NRXN3: variants seen among roughly 807,000 people sequenced by gnomAD.
NRXN3 encodes neurexin 3, also known as neurexin III.
Under a neutral mutation model 137.6 loss-of-function variants are expected in NRXN3, and 32 were observed. The observed-to-expected ratio is 0.23, with a 90% CI of 0.18 to 0.31. The LOEUF (loss-of-function observed/expected upper bound fraction) is 0.31, where lower values mean the gene tolerates loss of function less well. Among genes scored for constraint, NRXN3 ranks in the 10% least tolerant of loss-of-function variants. The pLI is 1.00. For synonymous variants in NRXN3, 798 were observed against 784.5 expected, an observed-to-expected ratio of 1.02 and a Z score of -0.29; for missense variants, 1,574 against 2,062.5, an observed-to-expected ratio of 0.76 and a Z score of 4.59.
intron 4 of NRXN3, among the ~76,000 whole-genome samples, chr14:78,465,828 C>T (rs1253150353): frequency 6.7e-6 from 1 of 148,846 alleles, no homozygotes; most frequent in East Asian, 2.0e-4. Flanking sequence ...CCACCGCGCC[C>T]GGCCTAAGGT....
At chr14:79,007,194 G>C (rs944719879) in intron 15 of NRXN3, among the ~76,000 whole-genome samples, 8 of 152,092 alleles carry the variant, frequency 5.3e-5, no homozygotes, top group African/African-American at 7.2e-5. Flanking sequence ...CAAATATTTT[G>C]GTGGTTTTGT....
At chr14:78,643,641 GCACAAGGGGAAC>G (rs1275722546) in intron 4 of NRXN3, among the ~76,000 whole-genome samples, 2 of 152,160 alleles carry the variant, frequency 1.3e-5, no homozygotes, top group African/African-American at 4.8e-5. Context: ...GGAAATAGCA[GCACAAGGGGAAC>G]CAGCCAACCC....
At chr14:78,360,926 C>G (rs1230045737) in intron 4 of NRXN3, among the ~76,000 whole-genome samples, 1 of 152,136 alleles carries the variant, frequency 6.6e-6, no homozygotes, top group Non-Finnish European at 1.5e-5. Flanking sequence ...CTCAGGTACC[C>G]CAATCCACTG....
chr14:79,839,696 T>C (rs1297518567), intron 20 of NRXN3, among the ~76,000 whole-genome samples: 1 of 152,216 alleles, frequency 6.6e-6, no homozygotes, highest in Non-Finnish European at 1.5e-5. Context: ...CTTTAAGGTC[T>C]TATCCCCCCA....
intron 10 of NRXN3, among the ~76,000 whole-genome samples, chr14:78,819,103 G>A (rs1365031819): frequency 6.6e-6 from 1 of 152,092 alleles, no homozygotes; most frequent in African/African-American, 2.4e-5. Context: ...AGCCTCGCAA[G>A]CTGTGTTTCT....
chr14:79,414,677 A>G (rs995935399), intron 15 of NRXN3, among the ~76,000 whole-genome samples: 1 of 152,044 alleles, frequency 6.6e-6, no homozygotes, highest in Non-Finnish European at 1.5e-5. Flanking sequence ...TAACATATCC[A>G]TCACCTCACA....
intron 16 of NRXN3, among the ~76,000 whole-genome samples, chr14:79,633,904 G>A (rs983366626): frequency 6.6e-6 from 1 of 152,002 alleles, no homozygotes; most frequent in African/African-American, 2.4e-5. Context: ...ATTCACATGG[G>A]CCCCCACGAA....
intron 4 of NRXN3, among the ~76,000 whole-genome samples, chr14:78,419,759 G>A (rs1164304491): frequency 6.6e-6 from 1 of 152,138 alleles, no homozygotes; most frequent in Non-Finnish European, 1.5e-5. Context: ...TAGAGACTGG[G>A]TGAAGGGGAG....
At chr14:78,987,882 A>C in intron 14 of NRXN3, 140 bp from the exon 15 acceptor site, 1 of 851,002 alleles carries the variant, frequency 1.2e-6, no homozygotes, top group Middle Eastern at 3.1e-4. Context: ...CATGAGATTG[A>C]GTTGACAATT....
chr14:78,314,991 C>CTCTTTCTT (rs10551573), intron 4 of NRXN3, among the ~76,000 whole-genome samples: 2 of 68,230 alleles, frequency 2.9e-5, no homozygotes, highest in African/African-American at 1.3e-4. Context: ...TCCTTCCTTT[C>CTCTTTCTT]TCTTTCTTTC....
chr14:79,717,942 C>A (rs1004116988), intron 19 of NRXN3, among the ~76,000 whole-genome samples: 1 of 152,078 alleles, frequency 6.6e-6, no homozygotes, highest in African/African-American at 2.4e-5. Flanking sequence ...TGCTATGGAC[C>A]CATCACCCTT....
chr14:79,330,699 G>A (rs2091550198), intron 15 of NRXN3, among the ~76,000 whole-genome samples: 1 of 152,170 alleles, frequency 6.6e-6, no homozygotes, highest in South Asian at 2.1e-4. Flanking sequence ...AATGGAGAAA[G>A]CATAGAGAAG....
At chr14:79,614,435 T>C (rs2098134868) in intron 16 of NRXN3, among the ~76,000 whole-genome samples, 1 of 152,212 alleles carries the variant, frequency 6.6e-6, no homozygotes, top group Non-Finnish European at 1.5e-5. Flanking sequence ...GTATTGGATT[T>C]TGACTGGATT....
intron 4 of NRXN3, among the ~76,000 whole-genome samples, chr14:78,477,296 A>G (rs939599988): frequency 1.3e-5 from 2 of 152,190 alleles, no homozygotes; most frequent in African/African-American, 4.8e-5. Flanking sequence ...GCCTCTCTGA[A>G]GTATTAATAC....
chr14:79,264,590 T>C (rs2078167420), intron 15 of NRXN3, among the ~76,000 whole-genome samples: 3 of 151,766 alleles, frequency 2.0e-5, no homozygotes, highest in East Asian at 1.9e-4. Context: ...AAACTCCGAG[T>C]GTTTCTTTGC....
At chr14:78,833,562 C>T (rs1317313139) in intron 10 of NRXN3, among the ~76,000 whole-genome samples, 3 of 152,044 alleles carry the variant, frequency 2.0e-5, no homozygotes, top group African/African-American at 7.2e-5. Context: ...AGAAAAGCAT[C>T]AAAAGAACTT....
At chr14:79,304,853 C>A (rs758276383) in intron 15 of NRXN3, among the ~76,000 whole-genome samples, 3 of 152,032 alleles carry the variant, frequency 2.0e-5, no homozygotes, top group Non-Finnish European at 4.4e-5. Context: ...TAACACCACG[C>A]CTTCAATAAC....
chr14:78,940,726 T>G (rs1000216148), intron 10 of NRXN3, among the ~76,000 whole-genome samples: 3 of 152,234 alleles, frequency 2.0e-5, no homozygotes, highest in Admixed American at 2.0e-4. Context: ...ATTTCTTCCC[T>G]TGAACGTTTT....
intron 19 of NRXN3, among the ~76,000 whole-genome samples, chr14:79,733,680 T>TA (rs2098932140): frequency 6.6e-6 from 1 of 151,866 alleles, no homozygotes; most frequent in East Asian, 1.9e-4. Flanking sequence ...TGTTGTTTTT[T>TA]TTTTTTTTAT....
Sources: gnomAD v4.1 joint callset for allele counts (sites outside exome capture counted in the v4.1 genomes callset) on GRCh38, gnomAD v4.1.1 for gene constraint, MANE v1.5 for transcripts, NCBI Gene and HGNC (gene_info 2026-07-23, HGNC 2026-07-21) for gene names.